Variants in LPP observed in about 807,000 individuals in gnomAD.
LPP encodes the protein LIM domain containing preferred translocation partner in lipoma.
Under a neutral mutation model 60.4 loss-of-function variants are expected in LPP, and 38 were observed. The ratio of observed to expected loss-of-function variants is 0.63; its 90% CI spans 0.49 to 0.83. The LOEUF (loss-of-function observed/expected upper bound fraction) is 0.83, where lower values mean the gene tolerates loss of function less well. LPP is among the 40% of genes least tolerant of loss of function. The pLI is 0.00. For synonymous variants in LPP, 328 were observed against 290.8 expected (o/e 1.13, Z -1.30); for missense variants, 902 against 783.6 (o/e 1.15, Z -1.80).
chr3:188,721,604 T>C (rs1716432025), intron 8 of LPP, among the ~76,000 whole-genome samples: 1 of 152,110 alleles, frequency 6.6e-6, no homozygotes, highest in South Asian at 2.1e-4. Flanking sequence ...CACCAGCTAA[T>C]GTTTGAAATA....
chr3:188,293,065 A>C (rs1449027600), intron 2 of LPP, among the ~76,000 whole-genome samples: 1 of 152,182 alleles, frequency 6.6e-6, no homozygotes, highest in African/African-American at 2.4e-5. Context: ...CCCTTCTCTG[A>C]GTTTCTCTCA....
rs765064176 is a variant in LPP at position 188,609,913 on chromosome 3, C to T, written c.1113+69C>T. Reference sequence around the variant, plus strand: ...ATCTTAGTCTGCCTTCCCCAGGAAGCGAAGCCTAAGGCAAAAGTGTGTGTG... The same window carrying T: ...ATCTTAGTCTGCCTTCCCCAGGAAGTGAAGCCTAAGGCAAAAGTGTGTGTG... On this transcript the variant is annotated intron_variant, in intron 7 of 11. Coordinates refer to ENST00000617246, the MANE Select transcript of LPP (RefSeq NM_001375462.1). This position sits in a 1 kb window ranked among gnomAD's most constrained non-coding sequence, Gnocchi z 6.9. 2.7e-5 allele frequency: 40 copies of T among 1,466,474 alleles called. No individual in the cohort carries two copies. The East Asian group carries it at 5.3e-4, about 19-fold the overall frequency. The allele number at this position is 1,466,474 out of a possible 1,614,324, so 90.8% of individuals were successfully genotyped here. A position where few individuals can be genotyped will look rare whatever the true frequency, so the allele number is the denominator to read the frequency against.
At chr3:188,708,513 G>C in intron 8 of LPP, 120 bp downstream of exon 8, 1 of 1,301,162 alleles carries the variant, frequency 7.7e-7, no homozygotes, top group Non-Finnish European at 1.1e-6. Context: ...CATGAGAGTT[G>C]ATATACATCC....
At chr3:188,700,792 G>C (rs919514679) in intron 7 of LPP, among the ~76,000 whole-genome samples, 1 of 152,124 alleles carries the variant, frequency 6.6e-6, no homozygotes, top group Admixed American at 6.5e-5. Context: ...CACTTACTCA[G>C]TGTGTCTATT....
chr3:188,728,275 C>A (rs1465372660), intron 8 of LPP, among the ~76,000 whole-genome samples: 1 of 152,146 alleles, frequency 6.6e-6, no homozygotes, highest in Non-Finnish European at 1.5e-5. Flanking sequence ...TCCAATCTTA[C>A]ATCACAAACA....
intron 4 of LPP, among the ~76,000 whole-genome samples, chr3:188,478,016 C>T (rs1428827920): frequency 6.6e-6 from 1 of 152,024 alleles, no homozygotes; most frequent in African/African-American, 2.4e-5. Context: ...GTGAAGTCTT[C>T]CTTTATTTAG....
intron 6 of LPP, 106 bp downstream of exon 6, chr3:188,524,893 GTCCGTCCT>G (rs1560518646): frequency 9.3e-5 from 21 of 226,688 alleles, no homozygotes; most frequent in Non-Finnish European, 1.1e-4. Context: ...CCTTCCTTCC[GTCCGTCCT>G]TCCTTCCTTC....
chr3:188,448,763 A>G (rs953789038), intron 4 of LPP, among the ~76,000 whole-genome samples: 1 of 152,144 alleles, frequency 6.6e-6, no homozygotes. Flanking sequence ...TGTAAAGAAA[A>G]TGCATTTTGC....
At chr3:188,781,472 A>G (rs1739629494) in intron 9 of LPP, among the ~76,000 whole-genome samples, 1 of 152,172 alleles carries the variant, frequency 6.6e-6, no homozygotes, top group East Asian at 1.9e-4. Flanking sequence ...ATTGGCTCAC[A>G]GTTCCACACG....
chr3:188,691,125 GC>G (rs1396834596), intron 7 of LPP, among the ~76,000 whole-genome samples: 9 of 152,156 alleles, frequency 5.9e-5, no homozygotes, highest in African/African-American at 2.2e-4. Flanking sequence ...TGCAGTATCT[GC>G]CACCTTGTGC....
intron 6 of LPP, among the ~76,000 whole-genome samples, chr3:188,556,549 T>C (rs971860906): frequency 6.6e-6 from 1 of 152,074 alleles, no homozygotes; most frequent in African/African-American, 2.4e-5. Context: ...CTGAAAATCA[T>C]ACAAACTCTT....
At chr3:188,639,142 A>C (rs1849499823) in intron 7 of LPP, among the ~76,000 whole-genome samples, 1 of 152,204 alleles carries the variant, frequency 6.6e-6, no homozygotes, top group African/African-American at 2.4e-5. Flanking sequence ...TAACCAAAAC[A>C]GCATGGTACT....
chr3:188,402,048 T>C (rs1782368676), intron 3 of LPP, among the ~76,000 whole-genome samples: 1 of 152,106 alleles, frequency 6.6e-6, no homozygotes, highest in Non-Finnish European at 1.5e-5. Context: ...TCAGAATAAA[T>C]AGAAAACTAC....
intron 9 of LPP, among the ~76,000 whole-genome samples, chr3:188,800,377 C>G (rs1746749474): frequency 2.0e-5 from 3 of 151,332 alleles, no homozygotes; most frequent in African/African-American, 7.3e-5. Flanking sequence ...TCCCGAGTAG[C>G]TGGGACTACA....
intron 1 of LPP, among the ~76,000 whole-genome samples, chr3:188,158,547 GCAGGTAAACCA>G (rs1480337523): frequency 3.9e-5 from 6 of 152,126 alleles, no homozygotes; most frequent in Non-Finnish European, 1.5e-5. Context: ...ATGTTTGGAA[GCAGGTAAACCA>G]CAGAGTTGAG....
chr3:188,708,654 T>C (rs1865961253), intron 8 of LPP: 2 of 557,456 alleles, frequency 3.6e-6, no homozygotes, highest in Non-Finnish European at 6.3e-6. Context: ...TGAGACTTAT[T>C]TTTTACCAGT....
At chr3:188,330,310 T>C (rs1164616752) in intron 2 of LPP, among the ~76,000 whole-genome samples, 2 of 152,242 alleles carry the variant, frequency 1.3e-5, no homozygotes, top group East Asian at 1.9e-4. Flanking sequence ...TGTGAACATA[T>C]GTGAGTAAAT....
chr3:188,792,967 G>A (rs147458543), intron 9 of LPP, among the ~76,000 whole-genome samples: 32 of 152,210 alleles, frequency 2.1e-4, no homozygotes, highest in East Asian at 3.9e-4. Context: ...TGAAGCTTCC[G>A]CAGAGGGGAA....
intron 3 of LPP, among the ~76,000 whole-genome samples, chr3:188,366,758 CGT>C (rs1771293307): frequency 6.6e-6 from 1 of 152,138 alleles, no homozygotes; most frequent in Non-Finnish European, 1.5e-5. Context: ...AGCTCACATG[CGT>C]GTGAGAAAGC....
Sources: gnomAD v4.1 joint callset for allele counts (sites outside exome capture counted in the v4.1 genomes callset) on GRCh38, gnomAD v4.1.1 for gene constraint, Gnocchi (gnomAD v3.1) non-coding constraint, MANE v1.5 for transcripts, NCBI Gene and HGNC (gene_info 2026-07-23, HGNC 2026-07-21) for gene names.